Variants in ADAM18 observed in about 807,000 individuals in gnomAD.
The protein encoded by ADAM18 is disintegrin and metalloproteinase domain-containing protein 18.
A neutral mutation model predicts 94.4 loss-of-function variants in ADAM18; 117 were observed. The ratio of observed to expected loss-of-function variants is 1.24; its 90% confidence interval spans 1.07 to 1.45. The LOEUF is 1.45. Among genes scored for constraint, ADAM18 ranks in the 40% most tolerant of loss-of-function variants. ADAM18 has a pLI of 0.00. For synonymous variants in ADAM18, 327 were observed against 291.6 expected (o/e 1.12, Z -1.24); for missense variants, 936 against 880.0 (o/e 1.06, Z -0.81).
intron 2 of ADAM18, among the ~76,000 whole-genome samples, chr8:39,598,950 C>A (rs1818822895): frequency 6.6e-6 from 1 of 151,882 alleles, no homozygotes; most frequent in Non-Finnish European, 1.5e-5. Context: ...TAGCTGGGAT[C>A]ACAGGAACCC....
intron 6 of ADAM18, among the ~76,000 whole-genome samples, chr8:39,623,705 C>G (rs1329770866): frequency 6.6e-6 from 1 of 151,884 alleles, no homozygotes; most frequent in African/African-American, 2.4e-5. Context: ...CACGCCACTC[C>G]CTTCCCTCAG....
chr8:39,664,421 A>G (rs764401005), intron 13 of ADAM18, among the ~76,000 whole-genome samples: 2 of 152,192 alleles, frequency 1.3e-5, no homozygotes, highest in Non-Finnish European at 2.9e-5. Flanking sequence ...TTGAGTGCCC[A>G]TAGATTTAAT....
At chr8:39,620,422 C>G (rs189314325) in intron 6 of ADAM18, among the ~76,000 whole-genome samples, 55 of 142,378 alleles carry the variant, frequency 3.9e-4, no homozygotes, top group Admixed American at 3.4e-3. Flanking sequence ...AAAAAAAAAC[C>G]AACAACCAAC....
At chr8:39,605,386 A>C (rs947667167) in intron 2 of ADAM18, among the ~76,000 whole-genome samples, 5 of 152,170 alleles carry the variant, frequency 3.3e-5, no homozygotes, top group Non-Finnish European at 7.3e-5. Context: ...GATAGTTTAT[A>C]ACTCTTGTCC....
chr8:39,637,402 T>A, intron 8 of ADAM18, 67 bp downstream of exon 8: 1 of 1,494,664 alleles, frequency 6.7e-7, no homozygotes, highest in Non-Finnish European at 9.1e-7. Context: ...GGGTTCTATC[T>A]TGGCCAATGA....
At chr8:39,729,082 T>G (rs1308400679) in intron 19 of ADAM18, among the ~76,000 whole-genome samples, 2 of 152,214 alleles carry the variant, frequency 1.3e-5, no homozygotes, top group Admixed American at 1.3e-4. Context: ...TGAGGAGATA[T>G]CTCACTGTGG....
At chr8:39,682,645 A>C (rs77686504) in intron 16 of ADAM18, among the ~76,000 whole-genome samples, 35 of 151,890 alleles carry the variant, frequency 2.3e-4, no homozygotes, top group Admixed American at 7.2e-4. Context: ...ATCCCCCCCC[A>C]CACACACTTT....
chr8:39,682,643 CCA>C (rs370859624), intron 16 of ADAM18, among the ~76,000 whole-genome samples: 42 of 152,026 alleles, frequency 2.8e-4, no homozygotes, highest in Admixed American at 1.7e-3. Flanking sequence ...TAATCCCCCC[CCA>C]CACACACTTT....
intron 17 of ADAM18, among the ~76,000 whole-genome samples, chr8:39,706,356 G>T (rs2129581303): frequency 6.6e-6 from 1 of 152,110 alleles, no homozygotes; most frequent in Middle Eastern, 3.4e-3. Context: ...AATTAAAGTG[G>T]CCAATCAATT....
intron 16 of ADAM18, among the ~76,000 whole-genome samples, chr8:39,681,807 C>T (rs948352460): frequency 1.3e-5 from 2 of 152,092 alleles, no homozygotes; most frequent in Non-Finnish European, 2.9e-5. Flanking sequence ...TGGCAGAAAG[C>T]TTAGCATATT....
At chr8:39,647,234 CAAA>C (rs72204674) in intron 11 of ADAM18, among the ~76,000 whole-genome samples, 1 of 130,152 alleles carries the variant, frequency 7.7e-6, no homozygotes, top group Non-Finnish European at 1.6e-5. Flanking sequence ...AGAAAGTCAG[CAAA>C]AAAAAAAAAA....
intron 18 of ADAM18, among the ~76,000 whole-genome samples, chr8:39,708,634 A>C (rs1822307272): frequency 6.6e-6 from 1 of 152,232 alleles, no homozygotes; most frequent in Non-Finnish European, 1.5e-5. Flanking sequence ...GACCTGTGAC[A>C]GGGGTGCCTC....
At chr8:39,585,445 A>C in intron 2 of ADAM18, 93 bp downstream of exon 2, 1 of 891,016 alleles carries the variant, frequency 1.1e-6, no homozygotes, top group Non-Finnish European at 1.7e-6. Context: ...ATTTGTATTC[A>C]TTGCCAAATC....
chr8:39,654,851 TGCAG>T (rs1014544336), intron 12 of ADAM18, among the ~76,000 whole-genome samples: 1 of 152,202 alleles, frequency 6.6e-6, no homozygotes, highest in African/African-American at 2.4e-5. Flanking sequence ...TTTTGAGAAG[TGCAG>T]GGGATTTTTG....
chr8:39,729,256 G>A (rs1823005519), intron 19 of ADAM18, among the ~76,000 whole-genome samples: 1 of 152,100 alleles, frequency 6.6e-6, no homozygotes, highest in African/African-American at 2.4e-5. Flanking sequence ...TGTTTCTGGA[G>A]ACAGATGGTG....
intron 2 of ADAM18, among the ~76,000 whole-genome samples, chr8:39,592,718 T>G (rs969896546): frequency 1.3e-5 from 2 of 152,188 alleles, no homozygotes; most frequent in African/African-American, 4.8e-5. Flanking sequence ...GAATACCTAC[T>G]GGGAACAATG....
chr8:39,695,851 G>A (rs1409426973), intron 17 of ADAM18, among the ~76,000 whole-genome samples: 1 of 151,216 alleles, frequency 6.6e-6, no homozygotes, highest in Non-Finnish European at 1.5e-5. Flanking sequence ...TCTGGCTGTT[G>A]TAAATAATAT....
At chr8:39,588,261 A>G (rs980448214) in intron 2 of ADAM18, among the ~76,000 whole-genome samples, 2 of 151,190 alleles carry the variant, frequency 1.3e-5, no homozygotes, top group Admixed American at 1.3e-4. Context: ...AACCCATTAT[A>G]ATAGCTGTGA....
intron 11 of ADAM18, among the ~76,000 whole-genome samples, 194 bp from the exon 12 acceptor site, chr8:39,648,150 G>T (rs898459251): frequency 6.6e-6 from 1 of 152,116 alleles, no homozygotes; most frequent in African/African-American, 2.4e-5. Context: ...GAGAAAATAG[G>T]TTTTTAATGC....
Sources: allele counts gnomAD v4.1 joint callset (sites outside exome capture counted in the v4.1 genomes callset), GRCh38; gene constraint gnomAD v4.1.1; transcripts MANE v1.5; gene names NCBI Gene and HGNC (gene_info 2026-07-23, HGNC 2026-07-21).